The following COL4A6 variants were observed in gnomAD, a reference collection of about 807,000 sequenced individuals.
COL4A6 encodes collagen alpha-6(IV) chain.
COL4A6 carries 59 observed loss-of-function variants against 126.7 expected under a neutral mutation model. That is an observed-to-expected ratio of 0.47 (90% CI 0.38 to 0.58). The LOEUF (loss-of-function observed/expected upper bound fraction) is 0.58. Ranked by LOEUF, COL4A6 falls within the 20% of genes least tolerant of loss-of-function variation. The pLI is 0.00. For synonymous variants in COL4A6, 547 were observed against 496.6 expected (o/e 1.10, Z -1.35); for missense variants, 1,285 against 1,337.3 (o/e 0.96, Z 0.61).
chrX:108,223,064 GT>G (rs2036062553), intron 3 of COL4A6, among the ~76,000 whole-genome samples: 1 of 111,730 alleles, frequency 9.0e-6, no homozygotes. Flanking sequence ...AGAAAAATGA[GT>G]TCACATCCTT....
rs1039429801 is a variant in COL4A6, at chrX:108,188,521, G to T, written c.1583C>A (p.Ala528Asp). The T allele has an allele frequency of 9.0e-7, 1 of 1,108,202 alleles. No homozygotes were observed. Among genetic ancestry groups the T allele is most frequent in the Admixed American group, 3.3e-5 (1 of 30,542 alleles). 91.3% of individuals were successfully genotyped at this position (1,108,202 alleles called of 1,213,427 possible). A position where few individuals can be genotyped will look rare whatever the true frequency, so the allele number is the denominator to read the frequency against. Residue 528 changes from alanine (A) to aspartate (D), a missense_variant, in exon 21 of 45, where the codon GCT becomes GAT. Physicochemically the swap from Ala to Asp is moderately radical, Grantham distance 126. Coordinates refer to ENST00000334504, the MANE Select transcript of COL4A6 (RefSeq NM_033641.4). ...GSGGAQGPAG[A>D]PGLVGPLGPS... ...TCAAAGTTTGGCAAGACTTACTGGAGCCCCTGCTGGGCCCTGTGCACCCCC... is the reference window on the plus strand; with the variant it reads ...TCAAAGTTTGGCAAGACTTACTGGATCCCCTGCTGGGCCCTGTGCACCCCC...
chrX:108,402,869 T>C (rs891963097), intron 2 of COL4A6, among the ~76,000 whole-genome samples: 3 of 111,171 alleles, frequency 2.7e-5, no homozygotes, highest in African/African-American at 9.8e-5. Context: ...TGCTCAATTT[T>C]TATGTATGTT....
At chrX:108,345,149 T>C (rs1372146350) in intron 2 of COL4A6, among the ~76,000 whole-genome samples, 1 of 111,900 alleles carries the variant, frequency 8.9e-6, no homozygotes, top group Non-Finnish European at 1.9e-5. Context: ...TTGCCCTACT[T>C]GTTTTTAATC....
At chrX:108,404,304 T>C (rs889679566) in intron 2 of COL4A6, among the ~76,000 whole-genome samples, 4 of 112,170 alleles carry the variant, frequency 3.6e-5, no homozygotes, top group African/African-American at 1.3e-4. Context: ...ACATTGATTA[T>C]CCTTATATGT....
In COL4A6 at chrX:108,162,996, G is replaced by C; in HGVS notation, c.4112C>G (p.Ala1371Gly). ...LQGDPGQTPT[A>G]EAVQVPPGPL... ...TCCAGGAGGAACCTGGACAGCTTCT[G>C]CAGTTGGTGTTTGTCCAGGATCACC... The change falls in exon 41 of 45, where the codon GCA becomes GGA. Residue 1371 changes from alanine (A) to glycine (G), a missense_variant. Transcript: ENST00000334504. 1 of 1,200,556 alleles carries C rather than the reference G, an allele frequency of 8.3e-7. No homozygotes were observed. The highest frequency in any genetic ancestry group is 1.1e-6 in the Non-Finnish European group (1 of 891,094).
chrX:108,402,009 T>C (rs981489453), intron 2 of COL4A6, among the ~76,000 whole-genome samples: 7 of 111,787 alleles, frequency 6.3e-5, no homozygotes, highest in African/African-American at 2.3e-4. Flanking sequence ...GGATTTACTT[T>C]CCTAGTATTT....
chrX:108,350,845 G>A (rs189709276), intron 2 of COL4A6, among the ~76,000 whole-genome samples: 2 of 111,160 alleles, frequency 1.8e-5, no homozygotes, highest in East Asian at 2.8e-4. Flanking sequence ...TACTGACTCC[G>A]TTTCTGGTTT....
intron 3 of COL4A6, among the ~76,000 whole-genome samples, chrX:108,232,553 A>G (rs1456507584): frequency 1.8e-5 from 2 of 111,866 alleles, no homozygotes; most frequent in Non-Finnish European, 3.8e-5. Context: ...AAAAACATTA[A>G]ATACTTAATT....
intron 2 of COL4A6, among the ~76,000 whole-genome samples, chrX:108,422,805 A>C (rs1357202310): frequency 8.9e-6 from 1 of 111,910 alleles, no homozygotes; most frequent in East Asian, 2.8e-4. Context: ...GAGGGCTCAA[A>C]ACAGGTGCTG....
At chrX:108,188,386 T>C in intron 21 of COL4A6, 131 bp downstream of exon 21, 1 of 610,703 alleles carries the variant, frequency 1.6e-6, no homozygotes, top group Non-Finnish European at 2.3e-6. Context: ...TTTCATGTTG[T>C]AGATCAAAAC....
At chrX:108,438,473 T>C (rs190941632), upstream of COL4A6, 2,868 of 992,005 alleles carry the variant, frequency 2.9e-3, 5 homozygotes, top group Non-Finnish European at 3.2e-3. Flanking sequence ...GGCGGGGCTG[T>C]CTGCTGTCAA....
intron 3 of COL4A6, among the ~76,000 whole-genome samples, chrX:108,271,719 GA>G (rs2037456469): frequency 9.0e-6 from 1 of 111,263 alleles, no homozygotes; most frequent in Admixed American, 9.5e-5. Flanking sequence ...TCTATAAAGG[GA>G]AAAAAATCAT....
At chrX:108,341,718 T>G (rs2039570180) in intron 2 of COL4A6, among the ~76,000 whole-genome samples, 1 of 111,608 alleles carries the variant, frequency 9.0e-6, no homozygotes, top group African/African-American at 3.3e-5. Context: ...CTGAAAAATT[T>G]TTCTTCCATC....
At chrX:108,210,982 C>T (rs2035684930) in intron 7 of COL4A6, among the ~76,000 whole-genome samples, 1 of 111,724 alleles carries the variant, frequency 9.0e-6, no homozygotes, top group Non-Finnish European at 1.9e-5. Context: ...CTTGGTGCAT[C>T]TTCTCCTCAG....
At chrX:108,296,553 A>G (rs2038331779) in intron 3 of COL4A6, among the ~76,000 whole-genome samples, 1 of 112,146 alleles carries the variant, frequency 8.9e-6, no homozygotes, top group South Asian at 3.7e-4. Flanking sequence ...TATTGGCTAT[A>G]TATTGTTCTA....
intron 3 of COL4A6, among the ~76,000 whole-genome samples, chrX:108,305,107 A>T (rs922046516): frequency 5.4e-5 from 6 of 112,035 alleles, no homozygotes; most frequent in Non-Finnish European, 1.1e-4. Flanking sequence ...GTAAGAGTAG[A>T]CAACCCCAGC....
intron 8 of COL4A6, among the ~76,000 whole-genome samples, chrX:108,208,295 AG>A (rs200913601): frequency 0.034 from 3,816 of 111,928 alleles, 167 homozygotes; most frequent in African/African-American, 0.12. Context: ...TCAGTCAGGA[AG>A]GACATAGAAG....
chrX:108,317,293 A>G (rs910826573), intron 2 of COL4A6, among the ~76,000 whole-genome samples: 1 of 112,304 alleles, frequency 8.9e-6, no homozygotes, highest in African/African-American at 3.2e-5. Flanking sequence ...ATTTATTCAG[A>G]TGGAGAAAAC....
chrX:108,277,205 C>T lies in COL4A6; in HGVS notation c.144+33543G>A, dbSNP rs147979764. On this transcript the variant is annotated intron_variant, in intron 3 of 44. Transcript: ENST00000334504. ...GCGAGGCATTGCCTCACTCGGGAAG[C>T]GTAAGGGGTCAGGGAGTTCCCTTTC... Among the ~76,000 whole-genome samples the T allele has an allele frequency of 4.9e-4, 55 of 111,789 alleles. No individual in the cohort carries two copies. The East Asian group carries it at 8.5e-3, about 17-fold the overall frequency.
Sources: allele counts gnomAD v4.1 joint callset (sites outside exome capture counted in the v4.1 genomes callset), GRCh38; gene constraint gnomAD v4.1.1; transcripts MANE v1.5; gene names NCBI Gene and HGNC (gene_info 2026-07-23, HGNC 2026-07-21).